Variants in CLCNKB observed in about 807,000 individuals in gnomAD.
The protein encoded by CLCNKB is chloride channel protein ClC-Kb.
CLCNKB carries 74 observed loss-of-function variants against 83.8 expected under a neutral mutation model. That is an observed-to-expected ratio of 0.88 (90% CI 0.73 to 1.07). The LOEUF is 1.07. Among genes scored for constraint, CLCNKB ranks in the 50% least tolerant of loss-of-function variants. The pLI, the probability that CLCNKB is intolerant of heterozygous loss-of-function variation, is 0.00. For synonymous variants in CLCNKB, 358 were observed against 356.6 expected (o/e 1.00, Z -0.04); for missense variants, 798 against 893.6 (o/e 0.89, Z 1.36).
intron 16 of CLCNKB, among the ~76,000 whole-genome samples, chr1:16,055,056 C>T (rs1401488026): frequency 3.3e-5 from 5 of 152,162 alleles, no homozygotes; most frequent in East Asian, 1.9e-4. Flanking sequence ...CACTGTGCTG[C>T]GCCAAATGTG....
At chr1:16,051,576 G>A (rs911991153) in intron 13 of CLCNKB, 29 bp downstream of exon 13, 1 of 1,613,294 alleles carries the variant, frequency 6.2e-7, no homozygotes, top group African/African-American at 1.3e-5. Flanking sequence ...GGTTCTGAGA[G>A]TTTCGGGGTT....
Position 16,053,632 on chromosome 1 carries a change from C to A in CLCNKB, c.1623-7C>A. 1 of 1,613,884 alleles carries A rather than the reference C, an allele frequency of 6.2e-7. No homozygotes were observed. Among genetic ancestry groups the A allele is most frequent in the Non-Finnish European group, 8.5e-7 (1 of 1,180,032 alleles). On this transcript the variant is annotated splice_polypyrimidine_tract_variant and splice_region_variant and intron_variant, in intron 15 of 19. Transcript: ENST00000375679. ...GTGGGGCCTGATGGGAGCCCCTCTG[C>A]CTGCAGTTCCCACCGCGTGAGGGTG...
intron 5 of CLCNKB, 79 bp from the exon 6 acceptor site, chr1:16,048,264 G>A (rs1192853279): frequency 1.9e-6 from 3 of 1,564,196 alleles, no homozygotes; most frequent in Non-Finnish European, 2.6e-6. Flanking sequence ...GGGGGTGTTG[G>A]GGGGAAGCCG....
At position 16,048,000 on chromosome 1, in the gene CLCNKB, T is replaced by C. The variant is rs764786922; in HGVS notation, c.454T>C (p.Ser152Pro). 4.3e-6 allele frequency: 7 copies of C among 1,614,022 alleles called. No individual in the cohort carries two copies. Among genetic ancestry groups the C allele is most frequent in the African/African-American group, 1.3e-5 (1 of 74,910 alleles). Residue 152 changes from serine (S) to proline (P), a missense_variant, in exon 5 of 20, where the codon TCC becomes CCC. Transcript: ENST00000375679. ...CTTTGGGGCCAAAGTGGTGGGCCTCTCCTGCACCCTGGCCTGTGGCAGCAC... is the reference window on the plus strand; with the variant it reads ...CTTTGGGGCCAAAGTGGTGGGCCTCCCCTGCACCCTGGCCTGTGGCAGCAC... ...KNFGAKVVGL[S>P]CTLACGSTLF...
chr1:16,045,894 G>A (rs761028187), intron 3 of CLCNKB, among the ~76,000 whole-genome samples: 2 of 152,186 alleles, frequency 1.3e-5, no homozygotes, highest in African/African-American at 2.4e-5. Flanking sequence ...GCACAAGGGA[G>A]AGAGGCCTGA....
Position 16,048,054 on chromosome 1 carries a change from G to A in CLCNKB, c.498+10G>A, listed in dbSNP as rs2023153498. On this transcript the variant is annotated intron_variant, in intron 5 of 19. Coordinates refer to ENST00000375679, the MANE Select transcript of CLCNKB (RefSeq NM_000085.5). The stretch of plus-strand genomic sequence containing the variant: ...CTTCCTCGGGAAAGTGGTATGGGCA[G>A]GGGTGAGGGCATCCCAACCACCCTA... The A allele has an allele frequency of 1.2e-6, 2 of 1,611,588 alleles. No homozygotes were observed. The highest frequency in any genetic ancestry group is 2.7e-5 in the African/African-American group (2 of 74,858).
chr1:16,052,729 A>G (rs1159900010), intron 15 of CLCNKB, among the ~76,000 whole-genome samples: 1 of 152,130 alleles, frequency 6.6e-6, no homozygotes, highest in Non-Finnish European at 1.5e-5. Flanking sequence ...GAGAGTCAGC[A>G]CCAGATCCGA....
chr1:16,049,956 TC>T (rs758937398), intron 10 of CLCNKB, 40 bp downstream of exon 10: 1 of 1,528,624 alleles, frequency 6.5e-7, no homozygotes, highest in African/African-American at 1.4e-5. Flanking sequence ...CTCAGCGAGC[TC>T]CCCCCTCACC....
chr1:16,044,740 G>A (rs1228323132), intron 2 of CLCNKB, 148 bp downstream of exon 2: 1 of 698,192 alleles, frequency 1.4e-6, no homozygotes, highest in Non-Finnish European at 2.5e-6. Context: ...TGGGTGGCAG[G>A]GAGGGAAGGG....
chr1:16,056,881 A>G lies in CLCNKB; in HGVS notation c.2029A>G (p.Ile677Val). 8.4e-6 allele frequency: 13 copies of G among 1,540,206 alleles called. No individual in the cohort carries two copies. The highest frequency in any genetic ancestry group is 1.1e-5 in the Non-Finnish European group (13 of 1,138,260). ...TTCTCTGTTCTAGATGAAGAAAGCA[A>G]TTTCCAACCTGACAAATCCGCCAGC... ...CVSWVEMKKA[I>V]SNLTNPPAPK The change falls in exon 20 of 20, where the codon ATT (isoleucine) becomes GTT (valine). Residue 677 changes from isoleucine (I) to valine (V), a missense_variant. By Grantham distance (29) the Ile-to-Val change is conservative. Transcript: ENST00000375679.
intron 10 of CLCNKB, 120 bp downstream of exon 10, chr1:16,050,036 C>T (rs1307009484): frequency 1.8e-5 from 3 of 168,876 alleles, no homozygotes; most frequent in Non-Finnish European, 3.0e-5. Flanking sequence ...TAGCCCATGC[C>T]CCACATGTGG....
chr1:16,047,968 T>C lies in CLCNKB; in HGVS notation c.422T>C (p.Ile141Thr), dbSNP rs139936386. The C allele has an allele frequency of 1.1e-5, 17 of 1,614,070 alleles. No homozygotes were observed. Among genetic ancestry groups the C allele is most frequent in the African/African-American group, 6.7e-5 (5 of 74,986 alleles). ...AGVVLEDYLD[I>T]KNFGAKVVGL... Reference sequence around the variant, plus strand: ...GTGGTCTTGGAGGACTACCTGGATATCAAGAACTTTGGGGCCAAAGTGGTG... The same window carrying C: ...GTGGTCTTGGAGGACTACCTGGATACCAAGAACTTTGGGGCCAAAGTGGTG... Residue 141 changes from isoleucine (I) to threonine (T), a missense_variant, in exon 5 of 20, where the codon ATC becomes ACC. Transcript: ENST00000375679.
intron 7 of CLCNKB, chr1:16,048,825 A>T (rs2023186779): frequency 6.9e-7 from 1 of 1,442,764 alleles, no homozygotes; most frequent in Non-Finnish European, 9.1e-7. Context: ...TCCACGTATG[A>T]CCCTGGCCCG....
In CLCNKB at chr1:16,047,977, T is replaced by C. The variant is rs1247490802; in HGVS notation, c.431T>C (p.Phe144Ser). ...VLEDYLDIKNFGAKVVGLSCT... is the reference protein window; with the variant it reads ...VLEDYLDIKNSGAKVVGLSCT... ...GAGGACTACCTGGATATCAAGAACT[T>C]TGGGGCCAAAGTGGTGGGCCTCTCC... Residue 144 changes from phenylalanine to serine, a missense_variant, in exon 5 of 20, where the codon TTT becomes TCT. Coordinates refer to ENST00000375679, the MANE Select transcript of CLCNKB (RefSeq NM_000085.5). 1.5e-5 allele frequency: 25 copies of C among 1,613,902 alleles called. No homozygotes were observed. Among genetic ancestry groups the C allele is most frequent in the Non-Finnish European group, 2.0e-5 (24 of 1,179,994 alleles).
chr1:16,048,450 A>G (rs756965482), intron 6 of CLCNKB, 30 bp downstream of exon 6: 7 of 1,613,318 alleles, frequency 4.3e-6, no homozygotes, highest in Non-Finnish European at 5.9e-6. Flanking sequence ...CCTTGGAGAA[A>G]TGGGAGTGGG....
intron 12 of CLCNKB, 144 bp downstream of exon 12, chr1:16,051,192 G>C (rs1443455842): frequency 8.4e-6 from 11 of 1,316,144 alleles, no homozygotes; most frequent in Middle Eastern, 2.3e-4. Context: ...CATGGTCCTG[G>C]ACAAGTGGCT....
Position 16,050,796 on chromosome 1 carries a change from C to T in CLCNKB, c.1054-79C>T, listed in dbSNP as rs942137627. On this transcript the variant is annotated intron_variant, in intron 11 of 19. Coordinates refer to ENST00000375679, the MANE Select transcript of CLCNKB (RefSeq NM_000085.5). The stretch of plus-strand genomic sequence containing the variant: ...GGAAGTGGCAGAGGAGGATTCCAGG[C>T]GGGGTCAGGCGGTGCGGGGGAGGCT... 1.1e-5 allele frequency: 18 copies of T among 1,595,890 alleles called. No individual in the cohort carries two copies. The Middle Eastern group carries it at 5.8e-4, about 51-fold the overall frequency.
Position 16,053,993 on chromosome 1 carries a change from G to A in CLCNKB, c.1756+221G>A, listed in dbSNP as rs7414959. Among the ~76,000 whole-genome samples the A allele has an allele frequency of 0.56, 84,756 of 151,756 alleles. 25,306 individuals are homozygous for A. The highest frequency in any genetic ancestry group is 0.81 in the East Asian group (4,160 of 5,154). ...GTGGTTGACATGTCTAAAGAGAGTC[G>A]GCCGGGTGCTTGTAAGGCAGTCCCT... On this transcript the variant is annotated intron_variant, in intron 16 of 19. Coordinates refer to ENST00000375679, the MANE Select transcript of CLCNKB (RefSeq NM_000085.5).
intron 18 of CLCNKB, 128 bp downstream of exon 18, chr1:16,055,886 C>A: frequency 1.2e-6 from 1 of 857,266 alleles, no homozygotes; most frequent in Non-Finnish European, 1.9e-6. Flanking sequence ...CCTGCTCCTC[C>A]TGGGCCAGTG....
Sources: gnomAD v4.1 joint callset for allele counts (sites outside exome capture counted in the v4.1 genomes callset) on GRCh38, gnomAD v4.1.1 for gene constraint, MANE v1.5 for transcripts, NCBI Gene and HGNC (gene_info 2026-07-23, HGNC 2026-07-21) for gene names.